Variants in ARHGAP25 observed in about 807,000 individuals in gnomAD.
ARHGAP25 encodes Rho GTPase activating protein 25.
In ARHGAP25, 34 loss-of-function variants were observed where a neutral mutation model predicts 71.0. The ratio of observed to expected loss-of-function variants is 0.48; its 90% CI spans 0.36 to 0.64. The LOEUF is 0.64. Ranked by LOEUF, ARHGAP25 falls within the 30% of genes least tolerant of loss-of-function variation. The pLI, the probability that ARHGAP25 is intolerant of heterozygous loss-of-function variation, is 0.00. For synonymous variants in ARHGAP25, 282 were observed against 296.5 expected, an observed-to-expected ratio of 0.95 and a Z score of 0.50; for missense variants, 706 against 805.1, an observed-to-expected ratio of 0.88 and a Z score of 1.49.
chr2:68,826,237 C>T lies in ARHGAP25; in HGVS notation c.*43C>T. 2 of 1,570,228 alleles carry T rather than the reference C, an allele frequency of 1.3e-6. No individual in the cohort carries two copies. The highest frequency in any genetic ancestry group is 1.8e-6 in the Non-Finnish European group (2 of 1,140,376). On this transcript the variant is annotated 3_prime_UTR_variant, in exon 11 of 11. Transcript: ENST00000409202. ...CAGGGACAGCCCCAGAGAGGCCCAA[C>T]TCTGGCCCCTTTCTCAGTGCTATCT... is the stretch of plus-strand genomic sequence containing the variant.
intron 4 of ARHGAP25, among the ~76,000 whole-genome samples, chr2:68,803,930 A>G (rs1185752614): frequency 6.6e-6 from 1 of 152,202 alleles, no homozygotes; most frequent in Non-Finnish European, 1.5e-5. Flanking sequence ...AGAGATTGGA[A>G]GGATAAATTT....
intron 4 of ARHGAP25, among the ~76,000 whole-genome samples, chr2:68,791,458 A>G (rs897621882): frequency 6.6e-5 from 10 of 151,878 alleles, no homozygotes; most frequent in Non-Finnish European, 1.2e-4. Context: ...GAGATTATTC[A>G]GTAAATGGGT....
upstream of ARHGAP25, among the ~76,000 whole-genome samples, chr2:68,730,232 G>C (rs1674984371): frequency 6.6e-6 from 1 of 152,208 alleles, no homozygotes; most frequent in Non-Finnish European, 1.5e-5. Flanking sequence ...AATGGGAAAA[G>C]TTCTTATTAC....
chr2:68,776,323 A>T (rs1175764233), intron 2 of ARHGAP25, among the ~76,000 whole-genome samples: 1 of 152,150 alleles, frequency 6.6e-6, no homozygotes, highest in Non-Finnish European at 1.5e-5. Context: ...TGAGGGCCAC[A>T]GGGAGGCATT....
intron 4 of ARHGAP25, among the ~76,000 whole-genome samples, chr2:68,804,042 G>T (rs1281389650): frequency 2.0e-5 from 3 of 152,168 alleles, no homozygotes; most frequent in African/African-American, 7.2e-5. Flanking sequence ...GAAGAAAAAA[G>T]TATGGGTCAG....
At chr2:68,781,608 C>A (rs928076242) in intron 2 of ARHGAP25, among the ~76,000 whole-genome samples, 1 of 152,202 alleles carries the variant, frequency 6.6e-6, no homozygotes, top group Non-Finnish European at 1.5e-5. Context: ...TGGCTTTGGA[C>A]TGACTTCTGA....
In ARHGAP25 at chr2:68,767,366, A is replaced by G. The variant is rs6720182; in HGVS notation, c.62-7855A>G. ...TCCTTCTGGGTGGAAACTGAGGGCC[A>G]TCATCCCGCAGTCTGATAACAGGAT... is the stretch of plus-strand genomic sequence containing the variant. On this transcript the variant is annotated intron_variant, in intron 1 of 10. Transcript: ENST00000409202. The surrounding 1 kb of genome is among the most constrained non-coding windows in gnomAD (Gnocchi z 4.6). Among the ~76,000 whole-genome samples, 128,641 of 151,726 alleles carry G rather than the reference A, an allele frequency of 0.85. 54,781 individuals are homozygous for G. Among genetic ancestry groups the G allele is most frequent in the African/African-American group, 0.9 (37,085 of 41,290 alleles).
chr2:68,777,061 A>G (rs12476298), intron 2 of ARHGAP25, among the ~76,000 whole-genome samples: 57,459 of 151,934 alleles, frequency 0.38, 11,056 homozygotes, highest in Middle Eastern at 0.44. Context: ...CTCTTGCCTC[A>G]TGTTCTGTGC....
chr2:68,761,985 T>G (rs1331603417), intron 1 of ARHGAP25, among the ~76,000 whole-genome samples: 2 of 152,188 alleles, frequency 1.3e-5, no homozygotes, highest in Non-Finnish European at 2.9e-5. Context: ...GCAACCCAGG[T>G]GTCCATTGAC....
intron 2 of ARHGAP25, among the ~76,000 whole-genome samples, chr2:68,722,772 T>A (rs1674794048): frequency 6.6e-6 from 1 of 151,956 alleles, no homozygotes; most frequent in South Asian, 2.1e-4. Context: ...ACCTCCCAAT[T>A]TTTCCCCATC....
chr2:68,718,442 C>A (rs1674671578), intron 2 of ARHGAP25, among the ~76,000 whole-genome samples: 1 of 152,146 alleles, frequency 6.6e-6, no homozygotes, highest in South Asian at 2.1e-4. Flanking sequence ...CTTGGATAAT[C>A]CAGCATGGCA....
intron 1 of ARHGAP25, among the ~76,000 whole-genome samples, chr2:68,764,534 A>T (rs936700998): frequency 3.3e-5 from 5 of 152,130 alleles, no homozygotes; most frequent in Admixed American, 1.3e-4. Context: ...GGTTAGGTGG[A>T]CAGGCACCCT....
At position 68,826,216 on chromosome 2, in the gene ARHGAP25, G is replaced by T. The variant is rs775581982; in HGVS notation, c.*22G>T. The T allele has an allele frequency of 1.1e-5, 17 of 1,611,212 alleles. No individual in the cohort carries two copies. In the Middle Eastern group the frequency reaches 6.6e-4, roughly 63 times the overall value. The stretch of plus-strand genomic sequence containing the variant: ...TTAAGGGTCCCAGGAGTACTGCAGG[G>T]ACAGCCCCAGAGAGGCCCAACTCTG... On this transcript the variant is annotated 3_prime_UTR_variant, in exon 11 of 11. Transcript: ENST00000409202.
chr2:68,782,085 G>T, intron 2 of ARHGAP25, 148 bp from the exon 3 acceptor site: 1 of 647,292 alleles, frequency 1.5e-6, no homozygotes. Context: ...AGCAGAAGGG[G>T]CCCCATTAAA....
rs1313366285 is a variant in ARHGAP25 at position 68,726,885 on chromosome 2, AG to A, written c.-18+16189del. The stretch of plus-strand genomic sequence containing the variant: ...GTCTGCCTCTGCTGAGCTTGCAAAA[AG>A]GCATAGTCCTATTGCACAAATCTTT... On this transcript the variant is annotated intron_variant and NMD_transcript_variant, in intron 2 of 7. Transcript: ENST00000463483. Among the ~76,000 whole-genome samples, 14 of 151,942 alleles carry A rather than the reference AG, an allele frequency of 9.2e-5. No homozygotes were observed. In the East Asian group the frequency reaches 2.7e-3, roughly 30 times the overall value.
intron 2 of ARHGAP25, among the ~76,000 whole-genome samples, chr2:68,714,249 T>C (rs993021795): frequency 3.0e-4 from 45 of 152,214 alleles, no homozygotes; most frequent in African/African-American, 9.9e-4. Flanking sequence ...CCATTTCTTC[T>C]AGATTTTCTA....
intron 1 of ARHGAP25, among the ~76,000 whole-genome samples, chr2:68,754,052 G>A (rs983464046): frequency 6.6e-5 from 10 of 151,960 alleles, no homozygotes; most frequent in Non-Finnish European, 1.2e-4. Context: ...ACAGGCGCCC[G>A]CCACCATGCC....
In ARHGAP25 at chr2:68,725,968, C is replaced by CG. The variant is rs563421253; in HGVS notation, c.-18+15271dup. On this transcript the variant is annotated intron_variant and NMD_transcript_variant, in intron 2 of 7. Coordinates refer to the ARHGAP25 transcript ENST00000463483. ...CACCTATTCTGTGAAATGTCACCTT[C>CG]GCTGTCCAACTATTTAAAAATGCAA... is the stretch of plus-strand genomic sequence containing the variant. 6.6e-3 allele frequency among the ~76,000 whole-genome samples: 1,008 copies of CG among 152,284 alleles called. 10 individuals carry two copies. The highest frequency in any genetic ancestry group is 0.022 in the African/African-American group (905 of 41,548).
chr2:68,717,680 A>G (rs181236832), intron 2 of ARHGAP25, among the ~76,000 whole-genome samples: 188 of 152,300 alleles, frequency 1.2e-3, no homozygotes, highest in African/African-American at 3.8e-3. Flanking sequence ...GCATATTCCT[A>G]TGGCTTTTCT....
Sources: gnomAD v4.1 joint callset for allele counts (sites outside exome capture counted in the v4.1 genomes callset) on GRCh38, gnomAD v4.1.1 for gene constraint, Gnocchi (gnomAD v3.1) non-coding constraint, MANE v1.5 for transcripts, NCBI Gene and HGNC (gene_info 2026-07-23, HGNC 2026-07-21) for gene names.